GPR149: variants seen among roughly 807,000 people sequenced by gnomAD.
The protein encoded by GPR149 is G protein-coupled receptor 149.
Under a neutral mutation model 50.2 loss-of-function variants are expected in GPR149, and 50 were observed. That is an observed-to-expected ratio of 1.00 (90% CI 0.79 to 1.26). The LOEUF is 1.26. Among genes scored for constraint, GPR149 ranks in the 50% most tolerant of loss-of-function variants. The pLI is 0.00. For synonymous variants in GPR149, 405 were observed against 358.2 expected (o/e 1.13, Z -1.48); for missense variants, 983 against 895.4 (o/e 1.10, Z -1.25).
At position 154,421,045 on chromosome 3, in the gene GPR149, AG is replaced by A. The variant is rs1576930894; in HGVS notation, c.1616del (p.Pro539LeufsTer37). On this transcript the variant is annotated frameshift_variant, in exon 3 of 4. Transcript: ENST00000389740. LOFTEE classifies it high-confidence loss of function. ...AGAACAACTTTTACTGTACCTGACG[AG>A]GGGTTCTTTCTGATTTACTCCTACA... The part of the protein sequence containing the change: ...EWCRSKSERT[P>X]RQRSGYALAI... The A allele has an allele frequency of 6.2e-7, 1 of 1,600,098 alleles. No individual in the cohort carries two copies. The highest frequency in any genetic ancestry group is 8.5e-7 in the Non-Finnish European group (1 of 1,173,990).
At chr3:154,402,750 T>TTC (rs11437826) in intron 3 of GPR149, among the ~76,000 whole-genome samples, 3 of 151,994 alleles carry the variant, frequency 2.0e-5, no homozygotes, top group Non-Finnish European at 4.4e-5. Flanking sequence ...ACACTTTTTT[T>TTC]CTCACTGAAG....
At chr3:154,420,471 G>A (rs1346241421) in intron 3 of GPR149, among the ~76,000 whole-genome samples, 4 of 151,918 alleles carry the variant, frequency 2.6e-5, no homozygotes, top group Admixed American at 2.6e-4. Flanking sequence ...TTAAGGAGAT[G>A]GAACATTCGT....
At chr3:154,356,092 C>T (rs181784173) in intron 3 of GPR149, among the ~76,000 whole-genome samples, 5 of 152,224 alleles carry the variant, frequency 3.3e-5, no homozygotes, top group Non-Finnish European at 5.9e-5. Flanking sequence ...CACTTGGGAC[C>T]TTCCTGGTGT....
At position 154,429,025 on chromosome 3, in the gene GPR149, C is replaced by G. The variant is rs1712400169; in HGVS notation, c.591G>C (p.Val197=). 1 of 1,614,058 alleles carries G rather than the reference C, an allele frequency of 6.2e-7. No individual in the cohort carries two copies. Reference sequence around the variant, plus strand: ...CGAGGAGTCCGAAGGCCAAAGCGTACACGATAGAGAGGAATAGTACGTAGG... The same window carrying G: ...CGAGGAGTCCGAAGGCCAAAGCGTAGACGATAGAGAGGAATAGTACGTAGG... ...SSSYVLFLSI[V]YALAFGLLVG... Residue 197 remains valine (V), a synonymous_variant, in exon 1 of 4, where the codon GTG becomes GTC. Transcript: ENST00000389740.
chr3:154,400,013 GTC>G (rs1353243697), intron 3 of GPR149, among the ~76,000 whole-genome samples: 3 of 152,172 alleles, frequency 2.0e-5, no homozygotes, highest in Non-Finnish European at 4.4e-5. Context: ...TTGAGACGGA[GTC>G]TCACTCTGTT....
At chr3:154,376,377 T>A (rs1714793101) in intron 3 of GPR149, among the ~76,000 whole-genome samples, 1 of 152,202 alleles carries the variant, frequency 6.6e-6, no homozygotes, top group South Asian at 2.1e-4. Context: ...TAAAAAGACA[T>A]CTGTAGTAGC....
At chr3:154,419,163 A>G (rs80015740) in intron 3 of GPR149, among the ~76,000 whole-genome samples, 2 of 152,202 alleles carry the variant, frequency 1.3e-5, no homozygotes, top group East Asian at 3.9e-4. Flanking sequence ...TTAAATATCT[A>G]TATTTAACAA....
intron 3 of GPR149, among the ~76,000 whole-genome samples, chr3:154,371,815 G>C (rs914017830): frequency 1.3e-5 from 2 of 152,122 alleles, no homozygotes; most frequent in Non-Finnish European, 2.9e-5. Flanking sequence ...GGATACCTCG[G>C]CTCCTCCCCT....
chr3:154,394,414 A>G (rs1051205061), intron 3 of GPR149, among the ~76,000 whole-genome samples: 3 of 152,132 alleles, frequency 2.0e-5, no homozygotes, highest in Admixed American at 6.6e-5. Context: ...GTGCTTAAAC[A>G]TAAGTCCTGA....
At chr3:154,357,489 A>G (rs1482184157) in intron 3 of GPR149, among the ~76,000 whole-genome samples, 5 of 152,206 alleles carry the variant, frequency 3.3e-5, no homozygotes, top group Non-Finnish European at 7.3e-5. Context: ...TTTACAAGAA[A>G]AAAACAACCA....
chr3:154,359,910 A>G (rs573267215), intron 3 of GPR149, among the ~76,000 whole-genome samples: 56 of 152,216 alleles, frequency 3.7e-4, no homozygotes, highest in Admixed American at 2.0e-3. Context: ...AAGGTGGTGG[A>G]AGGTAGTCCA....
At chr3:154,353,163 C>T in intron 3 of GPR149, 1 of 1,523,092 alleles carries the variant, frequency 6.6e-7, no homozygotes, top group Non-Finnish European at 9.1e-7. Context: ...AATAATAGCC[C>T]TCCCTTCAGA....
At chr3:154,360,119 G>T (rs1362562615) in intron 3 of GPR149, among the ~76,000 whole-genome samples, 1 of 152,152 alleles carries the variant, frequency 6.6e-6, no homozygotes, top group Non-Finnish European at 1.5e-5. Flanking sequence ...GAGAATTCTG[G>T]CTATGAATGA....
At position 154,358,939 on chromosome 3, in the gene GPR149, C is replaced by T. The variant is rs192636233; in HGVS notation, c.1624-20668G>A. ...AATAATACATTACTGCTTCATTTTGCTATTGAAATATATCTAAAGAACATG... is the reference window on the plus strand; with the variant it reads ...AATAATACATTACTGCTTCATTTTGTTATTGAAATATATCTAAAGAACATG... On this transcript the variant is annotated intron_variant, in intron 3 of 3. Transcript: ENST00000389740. Among the ~76,000 whole-genome samples, 439 of 152,124 alleles carry T rather than the reference C, an allele frequency of 2.9e-3. 1 individual carries two copies. Among genetic ancestry groups the T allele is most frequent in the African/African-American group, 9.7e-3 (404 of 41,522 alleles).
intron 3 of GPR149, among the ~76,000 whole-genome samples, chr3:154,349,882 T>C (rs990748523): frequency 9.2e-5 from 14 of 152,276 alleles, no homozygotes; most frequent in African/African-American, 3.1e-4. Context: ...AAAAGAATTA[T>C]GTACAATGAT....
At chr3:154,349,458 CA>C (rs562250916) in intron 3 of GPR149, among the ~76,000 whole-genome samples, 41 of 152,276 alleles carry the variant, frequency 2.7e-4, no homozygotes, top group Admixed American at 2.5e-3. Flanking sequence ...GGGAGTACTA[CA>C]AACACCTTTA....
intron 3 of GPR149, among the ~76,000 whole-genome samples, chr3:154,347,235 C>A (rs116840639): frequency 6.6e-6 from 1 of 152,118 alleles, no homozygotes; most frequent in South Asian, 2.1e-4. Flanking sequence ...AAGACACACA[C>A]GAGGCTAGGT....
Position 154,335,613 on chromosome 3 carries a change from T to A in GPR149, c.*2086A>T, listed in dbSNP as rs1417686426. ...CAAGGGCAATTAAATGGGAATATCC[T>A]AATTATTTTTCCAATTCCCCCAGTT... is the stretch of plus-strand genomic sequence containing the variant. On this transcript the variant is annotated 3_prime_UTR_variant, in exon 4 of 4. Coordinates refer to ENST00000389740, the MANE Select transcript of GPR149 (RefSeq NM_001038705.3). The A allele has an allele frequency of 6.6e-6, 1 of 152,174 alleles. No homozygotes were observed. Among genetic ancestry groups the A allele is most frequent in the African/African-American group, 2.4e-5 (1 of 41,466 alleles). 9.4% of individuals were successfully genotyped at this position (152,174 alleles called of 1,614,324 possible).
rs142787849 is a variant in GPR149, at chr3:154,350,809, A to C, written c.1624-12538T>G. ...TCCAGGACCTCCTGTGGATAGCAAA[A>C]TCTTCAGATGCTTAAGTCCCTTATA... On this transcript the variant is annotated intron_variant, in intron 3 of 3. Transcript: ENST00000389740. Among the ~76,000 whole-genome samples, 520 of 152,312 alleles carry C rather than the reference A, an allele frequency of 3.4e-3. 3 individuals carry two copies. The highest frequency in any genetic ancestry group is 0.012 in the African/African-American group (498 of 41,578).
Sources: allele counts gnomAD v4.1 joint callset (sites outside exome capture counted in the v4.1 genomes callset), GRCh38; gene constraint gnomAD v4.1.1; transcripts MANE v1.5; gene names NCBI Gene and HGNC (gene_info 2026-07-23, HGNC 2026-07-21).